The following INTS1 variants were observed in gnomAD, a reference collection of about 807,000 sequenced individuals.
INTS1 encodes the protein integrator complex subunit 1.
A neutral mutation model predicts 241.6 loss-of-function variants in INTS1; 137 were observed. The observed-to-expected ratio is 0.57, with a 90% CI of 0.49 to 0.65. The LOEUF is 0.65. Ranked by LOEUF, INTS1 falls within the 30% of genes least tolerant of loss-of-function variation. INTS1 has a pLI of 0.00. For missense variants in INTS1, 3,073 were observed against 3,032.2 expected, an observed-to-expected ratio of 1.01 and a Z score of -0.32; for synonymous variants, 1,692 against 1,337.8, an observed-to-expected ratio of 1.26 and a Z score of -5.78.
chr7:1,475,903 G>C (rs1027029576), intron 39 of INTS1, 45 bp downstream of exon 39: 25 of 1,520,496 alleles, frequency 1.6e-5, no homozygotes, highest in Non-Finnish European at 2.2e-5. Flanking sequence ...TGCCCGGCCA[G>C]GGCACCTGGG....
At position 1,472,333 on chromosome 7, in the gene INTS1, G is replaced by A; in HGVS notation, c.6124C>T (p.Leu2042=). Residue 2042 remains leucine, a synonymous_variant, in exon 44 of 48, where the codon CTG becomes TTG. Transcript: ENST00000404767. ...PLVSVSLFTP[L]TAAEMAPYMK... ...TAGGGGGCCATCTCGGCCGCGGTCA[G>A]AGGGGTGAACAGGGAGACGCTGACC... is the stretch of plus-strand genomic sequence containing the variant. 6.4e-7 allele frequency: 1 copy of A among 1,574,148 alleles called. No individual in the cohort carries two copies. Among genetic ancestry groups the A allele is most frequent in the Non-Finnish European group, 8.6e-7 (1 of 1,160,644 alleles).
At chr7:1,491,057 C>T (rs1382893514) in intron 16 of INTS1, among the ~76,000 whole-genome samples, 1 of 152,204 alleles carries the variant, frequency 6.6e-6, no homozygotes, top group Non-Finnish European at 1.5e-5. Context: ...GAAGTGGGGC[C>T]CCACCAAACA....
In INTS1 at chr7:1,477,786, A is replaced by AGGG. The variant is rs1781793114; in HGVS notation, c.4778_4780dup (p.Pro1593dup). The AGGG allele has an allele frequency of 6.2e-7, 1 of 1,612,470 alleles. No homozygotes were observed. Among genetic ancestry groups the AGGG allele is most frequent in the African/African-American group, 1.3e-5 (1 of 75,054 alleles). ...GTCCGCACCCGGCTTCCCCCCAGCC[A>AGGG]GGGGCTCCTCCTCCTGCAGCAGCAG... On this transcript the variant is annotated inframe_insertion, in exon 34 of 48. Coordinates refer to ENST00000404767, the MANE Select transcript of INTS1 (RefSeq NM_001080453.3).
intron 18 of INTS1, 30 bp downstream of exon 18, chr7:1,489,314 C>T (rs975966983): frequency 6.2e-7 from 1 of 1,600,582 alleles, no homozygotes; most frequent in Admixed American, 1.7e-5. Flanking sequence ...CTCCCCATCC[C>T]GGGCCCGCCG....
At chr7:1,474,069 C>A in intron 41 of INTS1, 99 bp downstream of exon 41, 1 of 1,351,612 alleles carries the variant, frequency 7.4e-7, no homozygotes, top group South Asian at 1.5e-5. Context: ...GCCCTGGCTG[C>A]AGAGGTCCTC....
At chr7:1,475,443 A>G (rs1288934688) in intron 39 of INTS1, among the ~76,000 whole-genome samples, 1 of 152,080 alleles carries the variant, frequency 6.6e-6, no homozygotes, top group Admixed American at 6.6e-5. Flanking sequence ...CATATAAGTG[A>G]AAAAAACCAC....
At chr7:1,501,671 CTCTG>C (rs1217267867) in intron 3 of INTS1, among the ~76,000 whole-genome samples, 1 of 152,216 alleles carries the variant, frequency 6.6e-6, no homozygotes, top group Non-Finnish European at 1.5e-5. Context: ...GGCCTGTGGT[CTCTG>C]TCTTCAATCC....
At chr7:1,501,835 C>T (rs1292153237) in intron 3 of INTS1, among the ~76,000 whole-genome samples, 1 of 152,212 alleles carries the variant, frequency 6.6e-6, no homozygotes, top group African/African-American at 2.4e-5. Context: ...CCCACAGCGC[C>T]CAGCCTCAGC....
intron 10 of INTS1, 193 bp downstream of exon 10, chr7:1,498,219 G>A (rs1238084464): frequency 1.6e-5 from 12 of 773,704 alleles, no homozygotes; most frequent in African/African-American, 7.0e-5. Flanking sequence ...GACGCTGGGC[G>A]CTGTGGCTGC....
intron 16 of INTS1, among the ~76,000 whole-genome samples, 191 bp from the exon 17 acceptor site, chr7:1,489,873 G>A (rs748561615): frequency 2.6e-5 from 4 of 152,094 alleles, no homozygotes; most frequent in African/African-American, 7.2e-5. Context: ...GCCCGACTCC[G>A]GCTCTGTCCT....
intron 18 of INTS1, among the ~76,000 whole-genome samples, chr7:1,488,744 A>G (rs894842983): frequency 1.3e-5 from 2 of 152,158 alleles, no homozygotes; most frequent in Non-Finnish European, 2.9e-5. Context: ...CTCACTGGTG[A>G]GATAGGATGC....
chr7:1,475,327 G>C (rs1781661515), intron 39 of INTS1, among the ~76,000 whole-genome samples: 1 of 152,176 alleles, frequency 6.6e-6, no homozygotes, highest in Non-Finnish European at 1.5e-5. Context: ...TGAGGCTGCA[G>C]TGAGCTATGA....
At position 1,472,303 on chromosome 7, in the gene INTS1, T is replaced by G; in HGVS notation, c.6154A>C (p.Lys2052Gln). The G allele has an allele frequency of 6.4e-7, 1 of 1,564,854 alleles. No individual in the cohort carries two copies. The highest frequency in any genetic ancestry group is 8.7e-7 in the Non-Finnish European group (1 of 1,155,264). Residue 2052 changes from lysine (K) to glutamine (Q), a missense_variant, in exon 44 of 48, where the codon AAA (lysine) becomes CAA (glutamine). Coordinates refer to ENST00000404767, the MANE Select transcript of INTS1 (RefSeq NM_001080453.3). ...ACCGTTTGGCCCCGGGAAAGCCGTT[T>G]CATGTAGGGGGCCATCTCGGCCGCG... The part of the protein sequence containing the change: ...LTAAEMAPYM[K>Q]RLSRGQTVED...
chr7:1,471,434 G>T, intron 45 of INTS1, 137 bp downstream of exon 45: 2 of 1,081,004 alleles, frequency 1.9e-6, no homozygotes, highest in Non-Finnish European at 1.3e-6. Context: ...CACCTGGGCT[G>T]GGGCCCCCAC....
At chr7:1,483,629 C>T (rs998606359) in intron 26 of INTS1, 113 bp downstream of exon 26, 2 of 797,740 alleles carry the variant, frequency 2.5e-6, no homozygotes, top group Non-Finnish European at 4.3e-6. Flanking sequence ...GGTTGAAGGG[C>T]TGGGGGGCTT....
At position 1,470,829 on chromosome 7, in the gene INTS1, G is replaced by T. The variant is rs555238349; in HGVS notation, c.6457+17C>A. 40 of 1,559,488 alleles carry T rather than the reference G, an allele frequency of 2.6e-5. No homozygotes were observed. In the South Asian group the frequency reaches 3.3e-4, roughly 13 times the overall value. The stretch of plus-strand genomic sequence containing the variant: ...CCCGAGGGCTGCCAGGGCCCTGGGC[G>T]GGGGGCCAGTCCTCACCTTGGCACA... On this transcript the variant is annotated intron_variant, in intron 47 of 47. Transcript: ENST00000404767.
intron 3 of INTS1, 69 bp downstream of exon 3, chr7:1,502,832 C>G: frequency 1.3e-6 from 2 of 1,560,328 alleles, no homozygotes; most frequent in Non-Finnish European, 1.8e-6. Context: ...TGGAGGGGGC[C>G]TTCCCTGAAC....
In INTS1 at chr7:1,499,501, C is replaced by A; in HGVS notation, c.816G>T (p.Ala272=). Residue 272 remains alanine (A), a synonymous_variant, in exon 6 of 48, where the codon GCG becomes GCT. Transcript: ENST00000404767. ...PPRSVLLQGE[A]GRVAGDLGAG... The stretch of plus-strand genomic sequence containing the variant: ...CACCCAGGTCGCCCGCAACGCGGCC[C>A]GCCTCCCCCTGCAGCAGCACGCTCC... 6.2e-7 allele frequency: 1 copy of A among 1,608,760 alleles called. No individual in the cohort carries two copies. Among genetic ancestry groups the A allele is most frequent in the Non-Finnish European group, 8.5e-7 (1 of 1,177,510 alleles).
Position 1,473,580 on chromosome 7 carries a change from G to T in INTS1, c.5943C>A (p.His1981Gln). 6.3e-7 allele frequency: 1 copy of T among 1,599,994 alleles called. No individual in the cohort carries two copies. The highest frequency in any genetic ancestry group is 8.5e-7 in the Non-Finnish European group (1 of 1,173,840). ...TGGGCACTCACTGGAGCGGGTCGGC[G>T]TGCTTCTGCAGGAAGGAGATGGCTG... ...APAAISFLQK[H>Q]ADPLHDLSFD... The change falls in exon 42 of 48, where the codon CAC becomes CAA. Residue 1981 changes from histidine to glutamine, a missense_variant. Transcript: ENST00000404767.
Sources: allele counts gnomAD v4.1 joint callset (sites outside exome capture counted in the v4.1 genomes callset), GRCh38; gene constraint gnomAD v4.1.1; transcripts MANE v1.5; gene names NCBI Gene and HGNC (gene_info 2026-07-23, HGNC 2026-07-21).